Variants in CD2AP observed in about 807,000 individuals in gnomAD.
CD2AP encodes CD2 associated protein, also known as CD2-associated protein.
In CD2AP, 46 loss-of-function variants were observed where a neutral mutation model predicts 85.1. The observed-to-expected ratio is 0.54, with a 90% CI of 0.43 to 0.69. The LOEUF is 0.69. Ranked by LOEUF, CD2AP falls within the 30% of genes least tolerant of loss-of-function variation. The pLI is 0.00. For synonymous variants in CD2AP, 255 were observed against 252.9 expected, an observed-to-expected ratio of 1.01 and a Z score of -0.08; for missense variants, 769 against 729.5, an observed-to-expected ratio of 1.05 and a Z score of -0.62.
At chr6:47,564,067 A>G (rs1767930239) in intron 5 of CD2AP, among the ~76,000 whole-genome samples, 1 of 152,160 alleles carries the variant, frequency 6.6e-6, no homozygotes, top group South Asian at 2.1e-4. Context: ...TCACTATTTT[A>G]TGTTACATTT....
intron 2 of CD2AP, 28 bp from the exon 3 acceptor site, chr6:47,533,574 G>T: frequency 6.2e-7 from 1 of 1,606,058 alleles, no homozygotes. Flanking sequence ...AACTTAACTT[G>T]CCTCTTTATT....
intron 11 of CD2AP, chr6:47,582,301 C>T (rs1284952701): frequency 4.9e-6 from 2 of 409,218 alleles, no homozygotes; most frequent in East Asian, 4.4e-5. Context: ...AGTTATTTCA[C>T]AGACTGTATA....
chr6:47,506,919 A>C (rs941946512), intron 2 of CD2AP, among the ~76,000 whole-genome samples: 1 of 152,188 alleles, frequency 6.6e-6, no homozygotes, highest in African/African-American at 2.4e-5. Flanking sequence ...TTATTTAGTG[A>C]AAGATTTCCC....
At chr6:47,580,498 C>G (rs1289868849) in intron 9 of CD2AP, among the ~76,000 whole-genome samples, 1 of 151,842 alleles carries the variant, frequency 6.6e-6, no homozygotes, top group African/African-American at 2.4e-5. Flanking sequence ...CTTGTTCTGC[C>G]AGTCTTCCTC....
chr6:47,579,541 T>C (rs754370307), intron 9 of CD2AP, 52 bp downstream of exon 9: 1 of 1,187,400 alleles, frequency 8.4e-7, no homozygotes, highest in South Asian at 1.3e-5. Context: ...ATTTTGCCAC[T>C]ATTCTTTTGC....
At chr6:47,482,012 T>G (rs1205348262) in intron 1 of CD2AP, among the ~76,000 whole-genome samples, 1 of 152,162 alleles carries the variant, frequency 6.6e-6, no homozygotes, top group African/African-American at 2.4e-5. Context: ...TCACCTGCTT[T>G]GGCCTCCCAA....
At chr6:47,548,150 AAAG>A (rs1201671144) in intron 4 of CD2AP, among the ~76,000 whole-genome samples, 1 of 152,184 alleles carries the variant, frequency 6.6e-6, no homozygotes, top group Non-Finnish European at 1.5e-5. Flanking sequence ...GAAACGAGAA[AAAG>A]AAGAACAAAC....
chr6:47,604,009 A>G (rs1562052866), intron 13 of CD2AP, among the ~76,000 whole-genome samples: 1 of 152,012 alleles, frequency 6.6e-6, no homozygotes, highest in East Asian at 1.9e-4. Flanking sequence ...AAGTTTCCTG[A>G]TTCGTTTAAA....
At chr6:47,549,230 G>C (rs1767448570) in intron 4 of CD2AP, among the ~76,000 whole-genome samples, 1 of 152,018 alleles carries the variant, frequency 6.6e-6, no homozygotes, top group Admixed American at 6.6e-5. Flanking sequence ...AAGAAATAAA[G>C]GGCATCCAAC....
At chr6:47,482,648 G>T (rs1765474065) in intron 1 of CD2AP, among the ~76,000 whole-genome samples, 3 of 152,124 alleles carry the variant, frequency 2.0e-5, no homozygotes, top group Admixed American at 2.0e-4. Flanking sequence ...AAAGTACTGG[G>T]ATTATAGGCG....
intron 1 of CD2AP, among the ~76,000 whole-genome samples, chr6:47,502,911 T>C (rs898520412): frequency 3.3e-5 from 5 of 152,180 alleles, no homozygotes; most frequent in African/African-American, 9.7e-5. Context: ...ACAGGTCACA[T>C]TGGCAGTCAA....
intron 5 of CD2AP, among the ~76,000 whole-genome samples, chr6:47,566,629 C>T (rs1051843657): frequency 1.1e-4 from 17 of 152,056 alleles, no homozygotes; most frequent in Admixed American, 4.6e-4. Flanking sequence ...CTCCTCACCC[C>T]TCAACAGGTC....
intron 2 of CD2AP, among the ~76,000 whole-genome samples, chr6:47,520,504 C>T (rs766919155): frequency 2.0e-5 from 3 of 152,028 alleles, no homozygotes; most frequent in South Asian, 2.1e-4. Context: ...ATATGGCCTC[C>T]GCTGACAGCA....
intron 15 of CD2AP, 43 bp downstream of exon 15, chr6:47,608,071 T>G (rs1351441627): frequency 2.2e-6 from 3 of 1,335,308 alleles, no homozygotes; most frequent in Non-Finnish European, 3.2e-6. Flanking sequence ...TTTCTGGGAT[T>G]CTTTGTGGAC....
chr6:47,605,832 G>A (rs916273428), intron 13 of CD2AP, among the ~76,000 whole-genome samples: 1 of 151,928 alleles, frequency 6.6e-6, no homozygotes, highest in Admixed American at 6.6e-5. Context: ...AGGAACTTAA[G>A]ATGAGTTTTT....
chr6:47,606,377 G>A (rs1056483562), intron 14 of CD2AP, 100 bp downstream of exon 14: 5 of 757,670 alleles, frequency 6.6e-6, no homozygotes, highest in Non-Finnish European at 9.5e-6. Flanking sequence ...TGAAAATCAG[G>A]AGGATAGCTC....
At chr6:47,478,853 G>A (rs1036528891) in intron 1 of CD2AP, among the ~76,000 whole-genome samples, 1 of 152,154 alleles carries the variant, frequency 6.6e-6, no homozygotes, top group Non-Finnish European at 1.5e-5. Context: ...CCCGAGGACT[G>A]GGTTTGGACT....
chr6:47,549,780 G>A (rs1012765442), intron 4 of CD2AP, among the ~76,000 whole-genome samples: 4 of 152,050 alleles, frequency 2.6e-5, no homozygotes, highest in Non-Finnish European at 5.9e-5. Flanking sequence ...GAACAAATCT[G>A]GAGACCTCAC....
At chr6:47,506,882 A>G (rs1766187915) in intron 2 of CD2AP, among the ~76,000 whole-genome samples, 2 of 152,190 alleles carry the variant, frequency 1.3e-5, no homozygotes, top group South Asian at 2.1e-4. Flanking sequence ...AGATGAGACA[A>G]CAATGAAGTT....
Sources: gnomAD v4.1 joint callset for allele counts (sites outside exome capture counted in the v4.1 genomes callset) on GRCh38, gnomAD v4.1.1 for gene constraint, MANE v1.5 for transcripts, NCBI Gene and HGNC (gene_info 2026-07-23, HGNC 2026-07-21) for gene names.